Variants in ADGRD2 observed in about 807,000 individuals in gnomAD.
ADGRD2 encodes the protein G protein-coupled receptor PGR24.
ADGRD2 carries 71 observed loss-of-function variants against 44.4 expected under a neutral mutation model. That is an observed-to-expected ratio of 1.60 (90% CI 1.32 to 1.95). ADGRD2 has a LOEUF of 1.95. Ranked by LOEUF, ADGRD2 falls within the 30% of genes most tolerant of loss-of-function variation. The pLI is 0.00. For missense variants in ADGRD2, 1,039 were observed against 512.4 expected, an observed-to-expected ratio of 2.03 and a Z score of -9.92; for synonymous variants, 481 against 224.8, an observed-to-expected ratio of 2.14 and a Z score of -10.19.
At chr9:124,472,219 A>G (rs754319651) in intron 17 of ADGRD2, among the ~76,000 whole-genome samples, 21 of 151,712 alleles carry the variant, frequency 1.4e-4, no homozygotes, top group Non-Finnish European at 2.9e-4. Flanking sequence ...CCCTCCCTTC[A>G]GTTCTCATTC....
At chr9:124,462,458 C>A (rs576290147) in intron 10 of ADGRD2, among the ~76,000 whole-genome samples, 1 of 152,270 alleles carries the variant, frequency 6.6e-6, no homozygotes, top group Non-Finnish European at 1.5e-5. Context: ...CTATAGAAAA[C>A]CTACTAGTAT....
Position 124,470,490 on chromosome 9 carries a change from A to C in ADGRD2, c.2638-4A>C. On this transcript the variant is annotated splice_polypyrimidine_tract_variant and splice_region_variant and intron_variant, in intron 16 of 21. Transcript: ENST00000334810. ...CCCCGTCAGCCCTGCCTGCCCTCCT[A>C]CAGGGCCACGGTGAAGCCCGTGCTG... 1 of 709,146 alleles carries C rather than the reference A, an allele frequency of 1.4e-6. No individual in the cohort carries two copies. Among genetic ancestry groups the C allele is most frequent in the Non-Finnish European group, 2.6e-6 (1 of 384,140 alleles). The allele number at this position is 709,146 out of a possible 1,614,324, so 43.9% of individuals were successfully genotyped here.
intron 17 of ADGRD2, among the ~76,000 whole-genome samples, chr9:124,474,501 G>T (rs764098627): frequency 4.6e-5 from 7 of 152,132 alleles, no homozygotes; most frequent in African/African-American, 7.2e-5. Flanking sequence ...GTCTGTCTTG[G>T]AGAATGGGGG....
intron 10 of ADGRD2, among the ~76,000 whole-genome samples, chr9:124,460,386 A>ATTT (rs556356103): frequency 1.2e-5 from 1 of 81,860 alleles, no homozygotes; most frequent in South Asian, 3.7e-4. Flanking sequence ...ATATATATAT[A>ATTT]TATTTTTTTT....
chr9:124,458,714 G>A (rs547999533), exon 10 of ADGRD2: 27 of 718,384 alleles, frequency 3.8e-5, no homozygotes, highest in Admixed American at 1.0e-4. Flanking sequence ...CTCCAGCACC[G>A]GGCCCAGGTA....
chr9:124,453,796 G>T (rs925163245), intron 3 of ADGRD2, 120 bp downstream of exon 6: 5 of 613,070 alleles, frequency 8.2e-6, no homozygotes, highest in African/African-American at 3.7e-5. Flanking sequence ...CCCTCTCCAG[G>T]CCGCAGTGCC....
At chr9:124,453,566 C>T (rs1000507818) in exon 3 of ADGRD2, 31 of 698,344 alleles carry the variant, frequency 4.4e-5, no homozygotes, top group African/African-American at 3.9e-4. Context: ...CTGCACCGGG[C>T]ACGGGCCTGC....
At chr9:124,466,387 A>G (rs1172665302) in exon 11 of ADGRD2, 3 of 716,628 alleles carry the variant, frequency 4.2e-6, no homozygotes, top group Non-Finnish European at 7.8e-6. Context: ...CAGCTTTGCC[A>G]TCCTGCTGCA....
At chr9:124,452,642 A>G in exon 2 of ADGRD2, 1 of 718,186 alleles carries the variant, frequency 1.4e-6, no homozygotes, top group Middle Eastern at 2.3e-4. Flanking sequence ...CAGCCCCCTG[A>G]TGGGGTTCTT....
upstream of ADGRD2, chr9:124,452,023 A>G: frequency 2.8e-6 from 1 of 353,654 alleles, no homozygotes; most frequent in South Asian, 1.9e-5. Context: ...CCCCCAGAGT[A>G]GGCATTCAAC....
intron 13 of ADGRD2, 99 bp downstream of exon 16, chr9:124,468,289 G>A: frequency 1.4e-6 from 1 of 703,158 alleles, no homozygotes; most frequent in South Asian, 1.5e-5. Context: ...TTTTCACATG[G>A]CTCCACTTCC....
At chr9:124,469,471 G>A (rs748250103) in exon 16 of ADGRD2, 25 of 717,992 alleles carry the variant, frequency 3.5e-5, no homozygotes, top group Non-Finnish European at 4.9e-5. Flanking sequence ...AATGATCACC[G>A]TGTCCAGTGC....
chr9:124,464,584 G>T (rs1476641018), intron 10 of ADGRD2, among the ~76,000 whole-genome samples: 1 of 152,322 alleles, frequency 6.6e-6, no homozygotes, highest in East Asian at 1.9e-4. Context: ...CCCCAGTCAG[G>T]ACAGATGGCC....
At chr9:124,451,912 C>T (rs1462060359), upstream of ADGRD2, among the ~76,000 whole-genome samples, 1 of 151,858 alleles carries the variant, frequency 6.6e-6, no homozygotes, top group Non-Finnish European at 1.5e-5. Context: ...AGGCTCAGGG[C>T]AGCAAAGGGC....
chr9:124,456,562 AG>A (rs1459776445), intron 6 of ADGRD2, 59 bp from the exon 10 acceptor site: 5 of 712,004 alleles, frequency 7.0e-6, no homozygotes, highest in Non-Finnish European at 1.0e-5. Context: ...CCCAGCGCTC[AG>A]GGCAGGCGGC....
chr9:124,466,562 G>A, intron 11 of ADGRD2, 149 bp downstream of exon 14: 1 of 484,460 alleles, frequency 2.1e-6, no homozygotes, highest in East Asian at 3.3e-5. Flanking sequence ...GTTCATGCCT[G>A]TTGTCCCAGC....
At position 124,464,408 on chromosome 9, in the gene ADGRD2, G is replaced by T. The variant is rs116607914; in HGVS notation, c.1871-1850G>T. Among the ~76,000 whole-genome samples, 152 of 152,244 alleles carry T rather than the reference G, an allele frequency of 1.0e-3. 1 individual carries two copies. Among genetic ancestry groups the T allele is most frequent in the African/African-American group, 2.9e-3 (122 of 41,546 alleles). ...TCAGCAGAGCCATGCAAAGCATGGCGCTGCGTAATCTCGAGCAGGTTAACC... is the reference window on the plus strand; with the variant it reads ...TCAGCAGAGCCATGCAAAGCATGGCTCTGCGTAATCTCGAGCAGGTTAACC... On this transcript the variant is annotated intron_variant, in intron 10 of 21. Coordinates refer to ENST00000334810, the Ensembl canonical transcript of ADGRD2.
Position 124,469,284 on chromosome 9 carries a change from G to A in ADGRD2, c.2452G>A (p.Gly818Arg), listed in dbSNP as rs1000719643. The A allele has an allele frequency of 1.5e-5, 11 of 717,846 alleles. No individual in the cohort carries two copies. The African/African-American group carries it at 1.7e-4, about 11-fold the overall frequency. The allele number at this position is 717,846 out of a possible 1,614,324, so 44.5% of individuals were successfully genotyped here. A position where few individuals can be genotyped will look rare whatever the true frequency, so the allele number is the denominator to read the frequency against. ...GCTCCCCCATGACTACGTGGCCCCC[G>A]GACATTGCTGGCTCAATGTGCACAC... Residue 818 changes from glycine (G) to arginine (R), a missense_variant, in exon 15 of 22, where the codon GGA (glycine) becomes AGA (arginine). Gly to Arg is a moderately radical substitution (Grantham distance 125, BLOSUM62 -2). Transcript: ENST00000334810.
chr9:124,451,537 G>A (rs1588597597), upstream of ADGRD2: 6 of 323,114 alleles, frequency 1.9e-5, no homozygotes, highest in East Asian at 8.6e-5. Context: ...AAGGGCAAAC[G>A]GACCCTGCAG....
Sources: gnomAD v4.1 joint callset for allele counts (sites outside exome capture counted in the v4.1 genomes callset) on GRCh38, gnomAD v4.1.1 for gene constraint, MANE v1.5 for transcripts, NCBI Gene and HGNC (gene_info 2026-07-23, HGNC 2026-07-21) for gene names.